The following RWDD4 variants were observed in gnomAD, a reference collection of about 807,000 sequenced individuals.
RWDD4 encodes RWD domain containing 4.
Under a neutral mutation model 30.0 loss-of-function variants are expected in RWDD4, and 16 were observed. The ratio of observed to expected loss-of-function variants is 0.53; its 90% confidence interval spans 0.36 to 0.81. RWDD4 has a LOEUF of 0.81. Among genes scored for constraint, RWDD4 ranks in the 30% least tolerant of loss-of-function variants. The pLI is 0.00. For missense variants in RWDD4, 170 were observed against 223.9 expected (o/e 0.76, Z 1.54); for synonymous variants, 45 against 72.1 (o/e 0.62, Z 1.90).
chr4:183,656,171 A>G, intron 1 of RWDD4: 5 of 477,024 alleles, frequency 1.0e-5, no homozygotes, highest in Non-Finnish European at 1.5e-5. Flanking sequence ...AGGGACTACT[A>G]AGCACTGTAC....
At chr4:183,649,284 T>C (rs1016954885) in intron 5 of RWDD4, among the ~76,000 whole-genome samples, 167 bp downstream of exon 5, 7 of 151,990 alleles carry the variant, frequency 4.6e-5, no homozygotes, top group African/African-American at 1.4e-4. Context: ...TGTGGTGGCA[T>C]GCGCCTATAA....
chr4:183,644,084 T>C (rs916028963), intron 7 of RWDD4, among the ~76,000 whole-genome samples: 9 of 149,414 alleles, frequency 6.0e-5, no homozygotes, highest in Admixed American at 2.6e-4. Flanking sequence ...TCAACACCTT[T>C]AGATCAGATT....
In RWDD4 at chr4:183,651,065, G is replaced by A. The variant is rs73002706; in HGVS notation, c.282C>T (p.Thr94=). The A allele has an allele frequency of 0.057, 91,705 of 1,613,626 alleles. 5,290 individuals are homozygous for A. Among genetic ancestry groups the A allele is most frequent in the African/African-American group, 0.28 (20,876 of 74,938 alleles). ...ATTCAAACAATGTATAGGTCATAGC[G>A]GTTCCAAGATTAGCTTCTACTGCTT... ...LQEAVEANLG[T]AMTYTLFEYA... The change falls in exon 4 of 8, where the codon ACC becomes ACT. Residue 94 remains threonine, a synonymous_variant. Coordinates refer to ENST00000326397, the MANE Select transcript of RWDD4 (RefSeq NM_152682.4).
intron 2 of RWDD4, among the ~76,000 whole-genome samples, chr4:183,654,781 G>A (rs1195353792): frequency 1.3e-5 from 2 of 152,142 alleles, no homozygotes; most frequent in Admixed American, 6.5e-5. Context: ...GGACTGTTAA[G>A]CTTGAAAGGG....
At chr4:183,648,248 G>GAAAAAAAAAAAAAAAAAAA (rs1207009091) in intron 5 of RWDD4, among the ~76,000 whole-genome samples, 1 of 101,618 alleles carries the variant, frequency 9.8e-6, no homozygotes, top group Admixed American at 1.1e-4. Flanking sequence ...AAAGAAAAAA[G>GAAAAAAAAAAAAAAAAAAA]AAAAAAAAAA....
chr4:183,651,152 AC>A (rs1338147337), intron 3 of RWDD4, 21 bp from the exon 4 acceptor site: 1 of 1,613,824 alleles, frequency 6.2e-7, no homozygotes, highest in Admixed American at 1.7e-5. Flanking sequence ...CAACAAAAAT[AC>A]CTTGCTGAGA....
chr4:183,654,831 T>C (rs1310578188), intron 2 of RWDD4, among the ~76,000 whole-genome samples: 1 of 152,236 alleles, frequency 6.6e-6, no homozygotes, highest in African/African-American at 2.4e-5. Context: ...TGGTCATCCA[T>C]CGATCATGCA....
chr4:183,644,549 A>AG (rs1435109017), intron 7 of RWDD4, among the ~76,000 whole-genome samples: 1 of 152,158 alleles, frequency 6.6e-6, no homozygotes, highest in Admixed American at 6.5e-5. Flanking sequence ...GGCAGAGGTG[A>AG]GGGGGGATCG....
At chr4:183,655,484 C>T (rs75365908) in intron 2 of RWDD4, among the ~76,000 whole-genome samples, 11,549 of 151,950 alleles carry the variant, frequency 0.076, 552 homozygotes, top group East Asian at 0.18. Context: ...TGGGGTTTCA[C>T]CATGTTGGCC....
rs529857076 is a variant in RWDD4 at position 183,642,420 on chromosome 4, A to G, written c.535-952T>C. Among the ~76,000 whole-genome samples the G allele has an allele frequency of 1.3e-4, 11 of 85,272 alleles. 5 individuals are homozygous for G. The highest frequency in any genetic ancestry group is 6.8e-4 in the South Asian group (2 of 2,958). 55.9% of individuals were successfully genotyped at this position (85,272 alleles called of 152,430 possible). On this transcript the variant is annotated intron_variant, in intron 7 of 7. Coordinates refer to ENST00000326397, the MANE Select transcript of RWDD4 (RefSeq NM_152682.4). ...TAGCCAGGATGGTCTCGATCTCCTG[A>G]CCTCGTGATCCGCCCGCCTCGGCCT...
At chr4:183,656,335 T>C (rs1734193829) in intron 1 of RWDD4, among the ~76,000 whole-genome samples, 1 of 152,232 alleles carries the variant, frequency 6.6e-6, no homozygotes, top group Non-Finnish European at 1.5e-5. Flanking sequence ...GCAAAGAGCA[T>C]TAAACCTAAA....
At chr4:183,650,855 C>T (rs1164752427) in intron 4 of RWDD4, 129 bp downstream of exon 4, 2 of 790,564 alleles carry the variant, frequency 2.5e-6, no homozygotes, top group Non-Finnish European at 3.8e-6. Flanking sequence ...TCTCATTTAA[C>T]TCAGGTGTAA....
intron 7 of RWDD4, among the ~76,000 whole-genome samples, chr4:183,643,056 T>G (rs1421675267): frequency 9.0e-6 from 1 of 111,310 alleles, no homozygotes; most frequent in African/African-American, 3.6e-5. Flanking sequence ...GAGACTCCGT[T>G]CAAAAATAAA....
intron 4 of RWDD4, among the ~76,000 whole-genome samples, chr4:183,650,703 CA>C (rs1734056615): frequency 6.6e-6 from 1 of 151,806 alleles, no homozygotes; most frequent in Non-Finnish European, 1.5e-5. Flanking sequence ...AGAGATTAAA[CA>C]AATATTAAAA....
At chr4:183,643,664 C>T (rs570026486) in intron 7 of RWDD4, among the ~76,000 whole-genome samples, 78 of 152,132 alleles carry the variant, frequency 5.1e-4, no homozygotes, top group South Asian at 3.1e-3. Context: ...AGCCTGTAAT[C>T]CCAGCACTTT....
At position 183,641,009 on chromosome 4, in the gene RWDD4, G is replaced by C. The variant is rs1046111; in HGVS notation, c.*427C>G. 2 of 155,632 alleles carry C rather than the reference G, an allele frequency of 1.3e-5. No individual in the cohort carries two copies. The highest frequency in any genetic ancestry group is 4.8e-5 in the African/African-American group (2 of 41,438). The allele number at this position is 155,632 out of a possible 1,614,324, so 9.6% of individuals were successfully genotyped here. On this transcript the variant is annotated 3_prime_UTR_variant, in exon 8 of 8. Coordinates refer to ENST00000326397, the MANE Select transcript of RWDD4 (RefSeq NM_152682.4). ...CAAAAGAAGAGATGAAGACTTAAGA[G>C]AAGAAGCCTATTAATATGGATTGCA...
intron 5 of RWDD4, among the ~76,000 whole-genome samples, chr4:183,647,448 TA>T (rs1733985019): frequency 6.6e-6 from 1 of 152,180 alleles, no homozygotes; most frequent in Admixed American, 6.6e-5. Flanking sequence ...TTACTGGTTA[TA>T]GGGGGCACAT....
intron 1 of RWDD4, among the ~76,000 whole-genome samples, chr4:183,656,416 A>G (rs1286495346): frequency 2.6e-5 from 4 of 152,232 alleles, no homozygotes; most frequent in African/African-American, 7.2e-5. Context: ...TCCTTCCCAC[A>G]GTGATACAAA....
At position 183,655,876 on chromosome 4, in the gene RWDD4, C is replaced by T. The variant is rs1314578718; in HGVS notation, c.105+5G>A. ...CTAAGTGCTCTTATTCATGCCATGT[C>T]TTACCCTATATTGAAAAGAAACTGG... On this transcript the variant is annotated splice_donor_5th_base_variant and intron_variant, in intron 2 of 7. Transcript: ENST00000326397. 1 of 1,586,898 alleles carries T rather than the reference C, an allele frequency of 6.3e-7. No individual in the cohort carries two copies. Among genetic ancestry groups the T allele is most frequent in the Non-Finnish European group, 8.6e-7 (1 of 1,157,598 alleles).
Sources: gnomAD v4.1 joint callset for allele counts (sites outside exome capture counted in the v4.1 genomes callset) on GRCh38, gnomAD v4.1.1 for gene constraint, MANE v1.5 for transcripts, NCBI Gene and HGNC (gene_info 2026-07-23, HGNC 2026-07-21) for gene names.